Variants in EPM2A observed in about 807,000 individuals in gnomAD.
EPM2A encodes the protein EPM2A glucan phosphatase, laforin.
In EPM2A, 21 loss-of-function variants were observed where a neutral mutation model predicts 26.5. The ratio of observed to expected loss-of-function variants is 0.79; its 90% CI spans 0.56 to 1.14. EPM2A has a LOEUF of 1.14. Among genes scored for constraint, EPM2A ranks in the 50% most tolerant of loss-of-function variants. EPM2A has a pLI of 0.00. For missense variants in EPM2A, 458 were observed against 440.8 expected, an observed-to-expected ratio of 1.04 and a Z score of -0.35; for synonymous variants, 217 against 177.6, an observed-to-expected ratio of 1.22 and a Z score of -1.76.
At chr6:145,585,417 C>A (rs1262678206) in intron 2 of EPM2A, among the ~76,000 whole-genome samples, 2 of 152,140 alleles carry the variant, frequency 1.3e-5, no homozygotes, top group East Asian at 1.9e-4. Flanking sequence ...TTTCCAGTTT[C>A]TTTTTTCTGT....
intron 2 of EPM2A, among the ~76,000 whole-genome samples, chr6:145,577,622 T>C (rs1325348285): frequency 1.3e-5 from 2 of 150,770 alleles, no homozygotes; most frequent in Admixed American, 6.6e-5. Flanking sequence ...AAAATTTCAC[T>C]TTTGGCTTTG....
downstream of EPM2A, among the ~76,000 whole-genome samples, chr6:145,498,215 C>G (rs541155913): frequency 6.6e-6 from 1 of 152,234 alleles, no homozygotes; most frequent in African/African-American, 2.4e-5. Context: ...GAACACCAAC[C>G]TGTCCTGGGA....
chr6:145,528,967 T>C (rs1443002026), intron 2 of EPM2A, among the ~76,000 whole-genome samples: 1 of 152,088 alleles, frequency 6.6e-6, no homozygotes, highest in Non-Finnish European at 1.5e-5. Context: ...TGGATAACTT[T>C]GATGGATTCA....
intron 4 of EPM2A, among the ~76,000 whole-genome samples, chr6:145,466,876 A>G (rs1779404037): frequency 6.6e-6 from 1 of 152,212 alleles, no homozygotes; most frequent in South Asian, 2.1e-4. Flanking sequence ...CATCATTCTC[A>G]GTAAACTATC....
chr6:145,543,136 T>G (rs147105022), intron 2 of EPM2A, among the ~76,000 whole-genome samples: 1 of 152,310 alleles, frequency 6.6e-6, no homozygotes, highest in African/African-American at 2.4e-5. Context: ...CATTGCTATA[T>G]TAGATTTATG....
chr6:145,396,291 C>A (rs1187259549), intron 4 of EPM2A, among the ~76,000 whole-genome samples: 3 of 152,172 alleles, frequency 2.0e-5, no homozygotes, highest in Admixed American at 6.5e-5. Flanking sequence ...GCTCCTTCCT[C>A]TCCCTCATTC....
intron 4 of EPM2A, among the ~76,000 whole-genome samples, chr6:145,482,204 T>C (rs1228230496): frequency 1.3e-5 from 2 of 152,186 alleles, no homozygotes; most frequent in Non-Finnish European, 2.9e-5. Flanking sequence ...TCAGTAGCAC[T>C]ATTAGTTGTG....
chr6:145,481,254 T>C (rs1385241840), intron 4 of EPM2A, among the ~76,000 whole-genome samples: 1 of 152,150 alleles, frequency 6.6e-6, no homozygotes, highest in East Asian at 1.9e-4. Context: ...TCCTTTATTT[T>C]TTACTTTTAA....
intron 2 of EPM2A, among the ~76,000 whole-genome samples, chr6:145,669,251 A>C (rs1043301651): frequency 3.3e-5 from 5 of 152,184 alleles, no homozygotes; most frequent in Admixed American, 1.3e-4. Context: ...GTGAACAGAA[A>C]AGTTATAATA....
At chr6:145,587,455 G>A (rs1472352353) in intron 2 of EPM2A, among the ~76,000 whole-genome samples, 2 of 152,134 alleles carry the variant, frequency 1.3e-5, no homozygotes, top group East Asian at 3.9e-4. Flanking sequence ...ATCCACAACA[G>A]AGGACAAAAT....
At chr6:145,519,430 G>A (rs1444728270) in intron 2 of EPM2A, among the ~76,000 whole-genome samples, 6 of 152,090 alleles carry the variant, frequency 3.9e-5, no homozygotes, top group Non-Finnish European at 8.8e-5. Context: ...AGCCGCTAAT[G>A]TTTTCCCTTC....
chr6:145,559,592 G>T (rs1460042329), intron 2 of EPM2A, among the ~76,000 whole-genome samples: 1 of 150,938 alleles, frequency 6.6e-6, no homozygotes, highest in Non-Finnish European at 1.5e-5. Flanking sequence ...TTTTTTAAAT[G>T]ACAGTAAAGT....
chr6:145,436,852 G>T (rs970673717), intron 4 of EPM2A, among the ~76,000 whole-genome samples: 5 of 151,510 alleles, frequency 3.3e-5, no homozygotes, highest in African/African-American at 1.2e-4. Flanking sequence ...CTACTATAAA[G>T]TTTCTATTTG....
intron 2 of EPM2A, among the ~76,000 whole-genome samples, chr6:145,672,600 C>A (rs1376152598): frequency 6.6e-6 from 1 of 152,230 alleles, no homozygotes; most frequent in Non-Finnish European, 1.5e-5. Context: ...TTTACACTCT[C>A]CTCAGCTGGG....
At chr6:145,475,075 T>C (rs1410738683) in intron 4 of EPM2A, among the ~76,000 whole-genome samples, 2 of 152,152 alleles carry the variant, frequency 1.3e-5, no homozygotes, top group Admixed American at 1.3e-4. Flanking sequence ...TCCTCAAGGA[T>C]CTAGAACTAG....
chr6:145,497,176 C>T (rs1779832302), downstream of EPM2A, among the ~76,000 whole-genome samples: 1 of 152,170 alleles, frequency 6.6e-6, no homozygotes, highest in Non-Finnish European at 1.5e-5. Flanking sequence ...TCTAAAGGAG[C>T]ACATTCTTTT....
At chr6:145,673,369 T>C (rs1779789661) in intron 2 of EPM2A, among the ~76,000 whole-genome samples, 1 of 152,108 alleles carries the variant, frequency 6.6e-6, no homozygotes, top group Admixed American at 6.6e-5. Flanking sequence ...ACGCAGAAGA[T>C]AGGTGATTTC....
intron 2 of EPM2A, among the ~76,000 whole-genome samples, chr6:145,652,241 AAC>A (rs545883111): frequency 4.1e-4 from 62 of 152,312 alleles, no homozygotes; most frequent in African/African-American, 1.5e-3. Context: ...CCAAAGACCT[AAC>A]ACATTAAATT....
At chr6:145,420,574 G>A (rs558461451) in intron 4 of EPM2A, among the ~76,000 whole-genome samples, 137 of 152,192 alleles carry the variant, frequency 9.0e-4, no homozygotes, top group African/African-American at 3.2e-3. Flanking sequence ...TGCCCTGACC[G>A]TGAACATCCA....
Sources: allele counts gnomAD v4.1 joint callset (sites outside exome capture counted in the v4.1 genomes callset), GRCh38; gene constraint gnomAD v4.1.1; transcripts MANE v1.5; gene names NCBI Gene and HGNC (gene_info 2026-07-23, HGNC 2026-07-21).